The following DLGAP2 variants were observed in gnomAD, a reference collection of about 807,000 sequenced individuals.
DLGAP2 encodes the protein disks large-associated protein 2.
Under a neutral mutation model 100.3 loss-of-function variants are expected in DLGAP2, and 26 were observed. The ratio of observed to expected loss-of-function variants is 0.26; its 90% CI spans 0.19 to 0.36. DLGAP2 has a LOEUF of 0.36. DLGAP2 is among the 10% of genes least tolerant of loss of function. The pLI, the probability that DLGAP2 is intolerant of heterozygous loss-of-function variation, is 1.00. For missense variants in DLGAP2, 1,858 were observed against 1,453.2 expected, an observed-to-expected ratio of 1.28 and a Z score of -4.53; for synonymous variants, 886 against 630.1, an observed-to-expected ratio of 1.41 and a Z score of -6.08.
intron 4 of DLGAP2, among the ~76,000 whole-genome samples, chr8:1,505,182 C>T (rs1248613767): frequency 1.3e-5 from 2 of 152,166 alleles, no homozygotes; most frequent in East Asian, 3.9e-4. Flanking sequence ...TTTAAGGGAT[C>T]TTCCCAGTCA....
intron 4 of DLGAP2, among the ~76,000 whole-genome samples, chr8:1,508,668 G>A (rs996474952): frequency 7.4e-5 from 11 of 149,366 alleles, no homozygotes; most frequent in African/African-American, 2.7e-4. Context: ...CAGGCTCAAC[G>A]TGGCGGGGGA....
chr8:801,524 G>A (rs748180333), intron 1 of DLGAP2, among the ~76,000 whole-genome samples: 24 of 152,332 alleles, frequency 1.6e-4, no homozygotes, highest in Admixed American at 3.9e-4. Context: ...GTGAGATCAC[G>A]GAATGCTGAA....
intron 2 of DLGAP2, among the ~76,000 whole-genome samples, chr8:1,211,528 C>T (rs181923731): frequency 1.3e-5 from 2 of 152,314 alleles, no homozygotes; most frequent in Non-Finnish European, 2.9e-5. Context: ...TGTTTGTAAA[C>T]ATGTAAACAG....
intron 1 of DLGAP2, among the ~76,000 whole-genome samples, chr8:797,290 A>G (rs2132648933): frequency 6.6e-6 from 1 of 152,354 alleles, no homozygotes; most frequent in South Asian, 2.1e-4. Flanking sequence ...TACTCTTAAA[A>G]AAATGGATTC....
At chr8:1,391,491 A>G (rs1338036206) in intron 3 of DLGAP2, among the ~76,000 whole-genome samples, 2 of 152,172 alleles carry the variant, frequency 1.3e-5, no homozygotes, top group East Asian at 3.9e-4. Flanking sequence ...ATGAAAAATG[A>G]TAATAGCTGG....
intron 6 of DLGAP2, among the ~76,000 whole-genome samples, chr8:1,623,069 A>G (rs1252825539): frequency 6.6e-6 from 1 of 152,232 alleles, no homozygotes; most frequent in Non-Finnish European, 1.5e-5. Flanking sequence ...AGCCATTATA[A>G]TATTTTTTAA....
At position 821,914 on chromosome 8, in the gene DLGAP2, T is replaced by C. The variant is rs182932567; in HGVS notation, c.18+84089T>C. Among the ~76,000 whole-genome samples the C allele has an allele frequency of 2.2e-3, 341 of 152,336 alleles. 1 individual carries two copies. The highest frequency in any genetic ancestry group is 5.8e-3 in the Admixed American group (89 of 15,304). The stretch of plus-strand genomic sequence containing the variant: ...TTCCACGGTCTGGTCTACAAACAGT[T>C]GGTGGTGATTTTTATATACAGTTTC... On this transcript the variant is annotated intron_variant, in intron 1 of 14. Transcript: ENST00000637795.
chr8:1,110,683 C>T (rs923717502), intron 2 of DLGAP2, among the ~76,000 whole-genome samples: 1 of 150,616 alleles, frequency 6.6e-6, no homozygotes, highest in Non-Finnish European at 1.5e-5. Flanking sequence ...CTGCAAGTAA[C>T]TGCTTTCCAT....
At chr8:888,882 C>G (rs1331296781) in intron 1 of DLGAP2, among the ~76,000 whole-genome samples, 1 of 152,126 alleles carries the variant, frequency 6.6e-6, no homozygotes, top group Non-Finnish European at 1.5e-5. Flanking sequence ...AGGTTTCATG[C>G]TTGTCCGTGT....
At chr8:883,618 C>T (rs1797859951) in intron 1 of DLGAP2, among the ~76,000 whole-genome samples, 1 of 149,428 alleles carries the variant, frequency 6.7e-6, no homozygotes, top group African/African-American at 2.5e-5. Context: ...TGTGCCGCGG[C>T]GGTTCGTTAC....
intron 2 of DLGAP2, among the ~76,000 whole-genome samples, chr8:1,169,812 A>G (rs967322916): frequency 6.6e-5 from 10 of 151,908 alleles, no homozygotes; most frequent in Admixed American, 3.3e-4. Context: ...TAGATATACA[A>G]TCATGTCATC....
At chr8:916,071 C>G (rs943986691) in intron 2 of DLGAP2, among the ~76,000 whole-genome samples, 1 of 152,030 alleles carries the variant, frequency 6.6e-6, no homozygotes, top group South Asian at 2.1e-4. Flanking sequence ...TCCGTCAGTT[C>G]ACCCGTCCGT....
At chr8:1,061,881 G>C (rs376611722) in intron 2 of DLGAP2, among the ~76,000 whole-genome samples, 1 of 152,036 alleles carries the variant, frequency 6.6e-6, no homozygotes, top group South Asian at 2.1e-4. Flanking sequence ...GGGCCCCTCC[G>C]AGCACCCTGC....
intron 2 of DLGAP2, among the ~76,000 whole-genome samples, chr8:1,131,765 C>G (rs1796300695): frequency 6.6e-6 from 1 of 152,170 alleles, no homozygotes; most frequent in African/African-American, 2.4e-5. Context: ...TCCTGTATTT[C>G]TAGCTTGTGA....
At position 915,991 on chromosome 8, in the gene DLGAP2, G is replaced by A. The variant is rs1167969091; in HGVS notation, c.73+8025G>A. 9.4e-5 allele frequency among the ~76,000 whole-genome samples: 14 copies of A among 149,518 alleles called. No homozygotes were observed. In the South Asian group the frequency reaches 2.6e-3, roughly 27 times the overall value. ...CCCGTCCGTCCATCTGTCCCAGGGC[G>A]TGGTTTCTGTGTGTGTTAACCATGA... is the stretch of plus-strand genomic sequence containing the variant. On this transcript the variant is annotated intron_variant, in intron 2 of 14. Transcript: ENST00000637795.
chr8:741,652 T>C (rs765727642), intron 1 of DLGAP2, among the ~76,000 whole-genome samples: 1 of 152,340 alleles, frequency 6.6e-6, no homozygotes, highest in Middle Eastern at 3.4e-3. Context: ...CTAGACCCGT[T>C]ACTGCAGACT....
chr8:824,574 C>G (rs6559191), intron 1 of DLGAP2, among the ~76,000 whole-genome samples: 78,698 of 151,392 alleles, frequency 0.52, 21,479 homozygotes, highest in Middle Eastern at 0.63. Context: ...ACCTGTGTTC[C>G]CCTTGTCCTG....
intron 3 of DLGAP2, among the ~76,000 whole-genome samples, chr8:1,333,661 G>C (rs894660272): frequency 3.3e-5 from 5 of 152,184 alleles, no homozygotes; most frequent in South Asian, 2.1e-4. Flanking sequence ...TTTGTGTGCC[G>C]ATGTAACCGC....
rs1245022804 is a variant in DLGAP2, at chr8:1,631,378, A to G, written c.1591-1449A>G. Among the ~76,000 whole-genome samples, 4 of 152,248 alleles carry G rather than the reference A, an allele frequency of 2.6e-5. No individual in the cohort carries two copies. In the South Asian group the frequency reaches 8.3e-4, roughly 32 times the overall value. ...AGGTTCTGACCTTCTCACGCTGTCT[A>G]CGATACATCTTTGACAGGAATGACA... On this transcript the variant is annotated intron_variant, in intron 7 of 14. Coordinates refer to ENST00000637795, the MANE Select transcript of DLGAP2 (RefSeq NM_001346810.2).
Sources: allele counts gnomAD v4.1 joint callset (sites outside exome capture counted in the v4.1 genomes callset), GRCh38; gene constraint gnomAD v4.1.1; transcripts MANE v1.5; gene names NCBI Gene and HGNC (gene_info 2026-07-23, HGNC 2026-07-21).